Variants in TPT1 observed in about 807,000 individuals in gnomAD.
TPT1 encodes the protein translationally-controlled tumor protein.
Under a neutral mutation model 22.8 loss-of-function variants are expected in TPT1, and 5 were observed. That is an observed-to-expected ratio of 0.22 (90% CI 0.11 to 0.46). TPT1 has a LOEUF of 0.46. Ranked by LOEUF, TPT1 falls within the 20% of genes least tolerant of loss-of-function variation. The probability of loss-of-function intolerance (pLI) is 0.99; values close to 1 mark genes in which losing one functional copy is unlikely to be tolerated. For synonymous variants in TPT1, 89 were observed against 73.6 expected, an observed-to-expected ratio of 1.21 and a Z score of -1.07; for missense variants, 130 against 218.7, an observed-to-expected ratio of 0.59 and a Z score of 2.56.
At position 45,339,897 on chromosome 13, in the gene TPT1, C is replaced by T; in HGVS notation, c.293+97G>A. ...ATTAATAAAAAAGCAAGGACTTTCA[C>T]AAAAGTATACCCACTGCGAAAGAAC... is the stretch of plus-strand genomic sequence containing the variant. On this transcript the variant is annotated intron_variant, in intron 3 of 5. Coordinates refer to ENST00000530705, the MANE Select transcript of TPT1 (RefSeq NM_003295.4). 2.9e-6 allele frequency: 4 copies of T among 1,381,316 alleles called. No homozygotes were observed. The South Asian group carries it at 4.2e-5, about 15-fold the overall frequency. The allele number at this position is 1,381,316 out of a possible 1,614,324, so 85.6% of individuals were successfully genotyped here.
intron 1 of TPT1, 84 bp from the exon 2 acceptor site, chr13:45,340,869 A>T: frequency 6.9e-7 from 1 of 1,458,936 alleles, no homozygotes; most frequent in Middle Eastern, 1.9e-4. Context: ...CGCACGCGGG[A>T]TCTGCCCCTC....
rs767949748 is a variant in TPT1, at chr13:45,341,021, G to A, written c.28+21C>T. ...CCAGACCCCCGTGTGCGGCAGTAAG[G>A]ATAGTGCAGTGAGGACTCACGGCTG... On this transcript the variant is annotated intron_variant, in intron 1 of 5. Transcript: ENST00000530705. The A allele has an allele frequency of 5.0e-6, 8 of 1,610,928 alleles. No individual in the cohort carries two copies. The African/African-American group carries it at 1.1e-4, about 22-fold the overall frequency.
rs978605828 is a variant in TPT1 at position 45,333,950 on chromosome 13, A to G, written c.*3436T>C. ...CAGTTCCTTCTTTTTTAAAATTTTT[A>G]AACTTTTTTCAGATAGTGTCTCACT... is the stretch of plus-strand genomic sequence containing the variant. On this transcript the variant is annotated 3_prime_UTR_variant, in exon 6 of 6. Transcript: ENST00000530705. 1 of 152,162 alleles carries G rather than the reference A, an allele frequency of 6.6e-6. No homozygotes were observed. Among genetic ancestry groups the G allele is most frequent in the African/African-American group, 2.4e-5 (1 of 41,418 alleles). 9.4% of individuals were successfully genotyped at this position (152,162 alleles called of 1,614,324 possible).
In TPT1 at chr13:45,338,770, T is replaced by C. The variant is rs201565812; in HGVS notation, c.406A>G (p.Ile136Val). 6 of 1,585,042 alleles carry C rather than the reference T, an allele frequency of 3.8e-6. No homozygotes were observed. The highest frequency in any genetic ancestry group is 1.2e-5 in the South Asian group (1 of 85,504). Residue 136 changes from isoleucine to valine, a missense_variant, in exon 5 of 6, where the codon ATT becomes GTT. Ile to Val is a conservative substitution (Grantham distance 29, BLOSUM62 3). Coordinates refer to ENST00000530705, the MANE Select transcript of TPT1 (RefSeq NM_003295.4). ...CCATCTGGATTCATGTTTTCACCAA[T>C]AAAGAACTTGGGAAGCAAACAAAAT... The part of the protein sequence containing the change: ...LANFKNYQFF[I>V]GENMNPDGMV...
At chr13:45,339,373 C>T (rs760754919) in intron 4 of TPT1, 124 bp downstream of exon 4, 3 of 708,344 alleles carry the variant, frequency 4.2e-6, no homozygotes, top group South Asian at 2.8e-5. Flanking sequence ...GAAACACCTG[C>T]GAGCTGGGAA....
At chr13:45,338,465 A>G in intron 5 of TPT1, 195 bp downstream of exon 5, 1 of 1,155,584 alleles carries the variant, frequency 8.7e-7, no homozygotes, top group Non-Finnish European at 1.2e-6. Flanking sequence ...GTTTTCCACA[A>G]ATAAGATTCT....
chr13:45,339,742 GTA>G, intron 3 of TPT1, 140 bp from the exon 4 acceptor site: 1 of 789,530 alleles, frequency 1.3e-6, no homozygotes, highest in South Asian at 1.9e-5. Flanking sequence ...TTCACAGAAG[GTA>G]TCTTTCAAGA....
At chr13:45,339,899 A>G in intron 3 of TPT1, 95 bp downstream of exon 3, 1 of 1,394,062 alleles carries the variant, frequency 7.2e-7, no homozygotes, top group African/African-American at 1.5e-5. Flanking sequence ...GACTTTCACA[A>G]AAGTATACCC....
chr13:45,333,699 A>G lies in TPT1; in HGVS notation c.*3687T>C, dbSNP rs1247971050. 6.6e-6 allele frequency: 1 copy of G among 152,206 alleles called. No homozygotes were observed. The highest frequency in any genetic ancestry group is 1.5e-5 in the Non-Finnish European group (1 of 68,034). The allele number at this position is 152,206 out of a possible 1,614,324, so 9.4% of individuals were successfully genotyped here. ...GCAGATGCACACATAATAAAAAACCATGTACCTGTATTGTATTTCATGCCT... is the reference window on the plus strand; with the variant it reads ...GCAGATGCACACATAATAAAAAACCGTGTACCTGTATTGTATTTCATGCCT... On this transcript the variant is annotated 3_prime_UTR_variant, in exon 6 of 6. Transcript: ENST00000530705.
rs1017942824 is a variant in TPT1, at chr13:45,336,184, G to GC, written c.*1201dup. 6.6e-6 allele frequency: 1 copy of GC among 152,232 alleles called. No homozygotes were observed. The highest frequency in any genetic ancestry group is 1.5e-5 in the Non-Finnish European group (1 of 68,060). The allele number at this position is 152,232 out of a possible 1,614,324, so 9.4% of individuals were successfully genotyped here. ...ATAGGGGTGCATGCCTGCAGTCCCA[G>GC]CAACTAGTGAGACTGAGGTGGGAAA... On this transcript the variant is annotated 3_prime_UTR_variant, in exon 6 of 6. Coordinates refer to ENST00000530705, the MANE Select transcript of TPT1 (RefSeq NM_003295.4).
chr13:45,340,947 C>A (rs1200817858), intron 1 of TPT1, 95 bp downstream of exon 1: 20 of 1,543,014 alleles, frequency 1.3e-5, no homozygotes, highest in Non-Finnish European at 1.5e-5. Flanking sequence ...AGACCGCCGG[C>A]GTCCCCTAGG....
In TPT1 at chr13:45,336,105, G is replaced by C. The variant is rs188391046; in HGVS notation, c.*1281C>G. 6.6e-6 allele frequency: 1 copy of C among 152,154 alleles called. No homozygotes were observed. Among genetic ancestry groups the C allele is most frequent in the Non-Finnish European group, 1.5e-5 (1 of 68,036 alleles). 9.4% of individuals were successfully genotyped at this position (152,154 alleles called of 1,614,324 possible). On this transcript the variant is annotated 3_prime_UTR_variant, in exon 6 of 6. Coordinates refer to ENST00000530705, the MANE Select transcript of TPT1 (RefSeq NM_003295.4). ...GCAGATCTCCTTGAGCCCAGGAGTT[G>C]AGACCACCCTGGGCAACTAAGCGAT...
intron 1 of TPT1, 76 bp downstream of exon 1, chr13:45,340,966 G>C: frequency 6.4e-7 from 1 of 1,560,148 alleles, no homozygotes. Context: ...GGCCCGCGAC[G>C]GCTGCGCCTT....
At chr13:45,339,925 CAA>C in intron 3 of TPT1, 67 bp downstream of exon 3, 1 of 1,556,296 alleles carries the variant, frequency 6.4e-7, no homozygotes. Flanking sequence ...GAAAGAACCT[CAA>C]AAGTTAGCCA....
intron 5 of TPT1, 199 bp from the exon 6 acceptor site, chr13:45,337,587 T>G: frequency 1.2e-6 from 2 of 1,602,934 alleles, no homozygotes; most frequent in Non-Finnish European, 1.7e-6. Context: ...AGTAAATTGT[T>G]CAAGGTCTAT....
At position 45,341,159 on chromosome 13, in the gene TPT1, G is replaced by A. The variant is rs1054320395; in HGVS notation, c.-90C>T. The A allele has an allele frequency of 2.8e-5, 43 of 1,559,932 alleles. No homozygotes were observed. The highest frequency in any genetic ancestry group is 3.3e-5 in the Non-Finnish European group (38 of 1,147,720). ...GCGGTGCAGCCGGAGCGGCGCTCGG[G>A]GGGAGGGGGGAGCGGGCGGAAAAGG... is the stretch of plus-strand genomic sequence containing the variant. On this transcript the variant is annotated 5_prime_UTR_variant, in exon 1 of 6. Coordinates refer to ENST00000530705, the MANE Select transcript of TPT1 (RefSeq NM_003295.4).
rs1012147158 is a variant in TPT1, at chr13:45,337,002, T to C, written c.*384A>G. On this transcript the variant is annotated 3_prime_UTR_variant, in exon 6 of 6. Transcript: ENST00000530705. ...GCTATGAGCATGGTCTTTCCCTTTA[T>C]TGCAACTCAAAATCAGAACCTTTGA... 2 of 244,372 alleles carry C rather than the reference T, an allele frequency of 8.2e-6. No homozygotes were observed. The highest frequency in any genetic ancestry group is 2.3e-5 in the African/African-American group (1 of 43,230). The allele number at this position is 244,372 out of a possible 1,614,324, so 15.1% of individuals were successfully genotyped here.
intron 5 of TPT1, 173 bp downstream of exon 5, chr13:45,338,487 T>C: frequency 7.7e-7 from 1 of 1,291,158 alleles, no homozygotes; most frequent in Non-Finnish European, 1.0e-6. Flanking sequence ...AGCCTTTTTA[T>C]ACCCTAAGAA....
At chr13:45,340,299 G>A in intron 2 of TPT1, 115 bp from the exon 3 acceptor site, 1 of 1,322,748 alleles carries the variant, frequency 7.6e-7, no homozygotes, top group African/African-American at 1.5e-5. Context: ...AATAAAAAAA[G>A]CACCATTTTG....
Sources: allele counts gnomAD v4.1 joint callset, GRCh38; gene constraint gnomAD v4.1.1; transcripts MANE v1.5; gene names NCBI Gene and HGNC (gene_info 2026-07-23, HGNC 2026-07-21).